SERPINB2: variants seen among roughly 807,000 people sequenced by gnomAD.
SERPINB2 encodes the protein plasminogen activator inhibitor 2.
A neutral mutation model predicts 39.4 loss-of-function variants in SERPINB2; 28 were observed. That is an observed-to-expected ratio of 0.71 (90% CI 0.53 to 0.97). SERPINB2 has a LOEUF of 0.97. SERPINB2 is among the 50% of genes least tolerant of loss of function. SERPINB2 has a pLI of 0.00. For missense variants in SERPINB2, 557 were observed against 505.3 expected (o/e 1.10, Z -0.98); for synonymous variants, 209 against 175.1 (o/e 1.19, Z -1.53).
chr18:63,901,202 A>AT (rs1367326717), intron 5 of SERPINB2, among the ~76,000 whole-genome samples: 4 of 152,144 alleles, frequency 2.6e-5, no homozygotes, highest in African/African-American at 4.8e-5. Context: ...TTCACAACTG[A>AT]TTTTGAATGT....
intron 1 of SERPINB2, among the ~76,000 whole-genome samples, chr18:63,889,329 T>A (rs914330735): frequency 7.9e-5 from 12 of 152,208 alleles, no homozygotes; most frequent in African/African-American, 2.4e-4. Flanking sequence ...CCAGGAAAAT[T>A]TGCTTCTGTT....
Position 63,903,348 on chromosome 18 carries a change from T to A in SERPINB2, c.*43T>A, listed in dbSNP as rs759346853. ...CTGCAAAAGATTTTTGTAGATGAGC[T>A]GTGTGCCTCAGAATTGCTATTTCAA... On this transcript the variant is annotated 3_prime_UTR_variant, in exon 8 of 8. Coordinates refer to ENST00000299502, the MANE Select transcript of SERPINB2 (RefSeq NM_002575.3). The A allele has an allele frequency of 2.0e-6, 3 of 1,470,292 alleles. No individual in the cohort carries two copies. The highest frequency in any genetic ancestry group is 5.2e-5 in the Admixed American group (2 of 38,522). 91.1% of individuals were successfully genotyped at this position (1,470,292 alleles called of 1,614,324 possible). A position where few individuals can be genotyped will look rare whatever the true frequency, so the allele number is the denominator to read the frequency against.
intron 2 of SERPINB2, 27 bp from the exon 3 acceptor site, chr18:63,895,237 A>G (rs763773946): frequency 1.9e-6 from 3 of 1,610,344 alleles, no homozygotes; most frequent in African/African-American, 2.7e-5. Flanking sequence ...GGGCAAGTGT[A>G]ACCGTTTTCT....
At chr18:63,900,981 A>T (rs896720454) in intron 5 of SERPINB2, among the ~76,000 whole-genome samples, 1 of 152,150 alleles carries the variant, frequency 6.6e-6, no homozygotes, top group Non-Finnish European at 1.5e-5. Flanking sequence ...TAGAGTATCA[A>T]AATAATATAT....
intron 5 of SERPINB2, among the ~76,000 whole-genome samples, chr18:63,900,563 C>T (rs897435818): frequency 6.6e-6 from 1 of 152,136 alleles, no homozygotes; most frequent in Non-Finnish European, 1.5e-5. Flanking sequence ...CATATTTATA[C>T]CTACTTTTAA....
chr18:63,899,865 C>CA (rs1426672585), intron 5 of SERPINB2, among the ~76,000 whole-genome samples: 1 of 151,972 alleles, frequency 6.6e-6, no homozygotes, highest in Non-Finnish European at 1.5e-5. Context: ...TATGGGATTT[C>CA]AAAAAATATA....
At position 63,897,125 on chromosome 18, in the gene SERPINB2, G is replaced by C. The variant is rs541925659; in HGVS notation, c.323G>C (p.Arg108Pro). Reference sequence around the variant, plus strand: ...GCAGATAAAATCCATTCATCCTTCCGCTCTCTCAGCTCTGCAATCAATGCA... The same window carrying C: ...GCAGATAAAATCCATTCATCCTTCCCCTCTCTCAGCTCTGCAATCAATGCA... The part of the protein sequence containing the change: ...QAADKIHSSF[R>P]SLSSAINAST... The change falls in exon 4 of 8, where the codon CGC (arginine) becomes CCC (proline). Residue 108 changes from arginine (R) to proline (P), a missense_variant. Coordinates refer to ENST00000299502, the MANE Select transcript of SERPINB2 (RefSeq NM_002575.3). 15 of 1,612,580 alleles carry C rather than the reference G, an allele frequency of 9.3e-6. No homozygotes were observed. The highest frequency in any genetic ancestry group is 1.3e-5 in the Non-Finnish European group (15 of 1,179,168).
At position 63,901,879 on chromosome 18, in the gene SERPINB2, C is replaced by A; in HGVS notation, c.675C>A (p.Asn225Lys). 6.3e-7 allele frequency: 1 copy of A among 1,596,516 alleles called. No homozygotes were observed. The highest frequency in any genetic ancestry group is 8.5e-7 in the Non-Finnish European group (1 of 1,175,030). ...KLNGLYPFRV[N>K]SAQRTPVQMM... ...ATGGGCTTTATCCTTTCCGTGTAAACTCGGTATGAGACAACAAAATACATC... is the reference window on the plus strand; with the variant it reads ...ATGGGCTTTATCCTTTCCGTGTAAAATCGGTATGAGACAACAAAATACATC... The change falls in exon 6 of 8, where the codon AAC (asparagine) becomes AAA (lysine). Residue 225 changes from asparagine to lysine, a missense_variant. Transcript: ENST00000299502.
chr18:63,891,599 A>G lies in SERPINB2; in HGVS notation c.155A>G (p.Asp52Gly). The change falls in exon 2 of 8, where the codon GAC becomes GGC. Residue 52 changes from aspartate to glycine, a missense_variant. Coordinates refer to ENST00000299502, the MANE Select transcript of SERPINB2 (RefSeq NM_002575.3). ...ATGGGCTCCAGGGGCAGCACCGAAG[A>G]CCAGATGGCCAAGGTGAGTTTGAGC... ...VYMGSRGSTE[D>G]QMAKVLQFNE... The G allele has an allele frequency of 6.2e-7, 1 of 1,613,642 alleles. No homozygotes were observed. The highest frequency in any genetic ancestry group is 1.1e-5 in the South Asian group (1 of 91,024).
intron 2 of SERPINB2, 54 bp from the exon 3 acceptor site, chr18:63,895,210 A>G: frequency 6.2e-7 from 1 of 1,600,850 alleles, no homozygotes; most frequent in East Asian, 2.2e-5. Context: ...TCTGTTTTAA[A>G]AGTTCAGTAA....
At chr18:63,893,145 G>A (rs2049937572) in intron 2 of SERPINB2, among the ~76,000 whole-genome samples, 1 of 152,168 alleles carries the variant, frequency 6.6e-6, no homozygotes, top group Non-Finnish European at 1.5e-5. Context: ...GGCCAGGCTG[G>A]TCTCAAACTC....
At chr18:63,897,642 C>A in intron 4 of SERPINB2, 85 bp from the exon 5 acceptor site, 1 of 1,007,654 alleles carries the variant, frequency 9.9e-7, no homozygotes, top group Non-Finnish European at 1.6e-6. Flanking sequence ...CTCCTAATTT[C>A]AATGGGAAGA....
At chr18:63,896,983 T>C (rs2049963280) in intron 3 of SERPINB2, 108 bp from the exon 4 acceptor site, 1 of 999,408 alleles carries the variant, frequency 1.0e-6, no homozygotes, top group Non-Finnish European at 1.4e-6. Context: ...AAAGTATGTA[T>C]TAATATAGCA....
chr18:63,902,125 T>A (rs1048414239), intron 6 of SERPINB2, among the ~76,000 whole-genome samples: 1 of 152,160 alleles, frequency 6.6e-6, no homozygotes, highest in Non-Finnish European at 1.5e-5. Flanking sequence ...TATTGAGACA[T>A]GGCACGGTTC....
chr18:63,890,285 T>C (rs1041238905), intron 1 of SERPINB2, among the ~76,000 whole-genome samples: 2 of 152,158 alleles, frequency 1.3e-5, no homozygotes, highest in East Asian at 1.9e-4. Context: ...AGAGCAATGC[T>C]GTGTGAGACC....
At chr18:63,888,031 C>A (rs939633255) in intron 1 of SERPINB2, among the ~76,000 whole-genome samples, 4 of 152,164 alleles carry the variant, frequency 2.6e-5, no homozygotes, top group African/African-American at 9.7e-5. Flanking sequence ...AATGTACATT[C>A]AGATTGTGAT....
chr18:63,898,602 C>T (rs1321189686), intron 5 of SERPINB2, among the ~76,000 whole-genome samples: 1 of 152,110 alleles, frequency 6.6e-6, no homozygotes, highest in Non-Finnish European at 1.5e-5. Context: ...ATGGTAAATC[C>T]TGCCACCATA....
chr18:63,900,911 G>A (rs1482456299), intron 5 of SERPINB2, among the ~76,000 whole-genome samples: 1 of 152,112 alleles, frequency 6.6e-6, no homozygotes, highest in African/African-American at 2.4e-5. Context: ...GTAACGTTGG[G>A]AAGACTGCTA....
intron 1 of SERPINB2, chr18:63,890,094 A>T (rs991973694): frequency 6.6e-6 from 1 of 152,208 alleles, no homozygotes; most frequent in African/African-American, 2.4e-5. Context: ...CGAGGAGAGG[A>T]GGTGAGAGAG....
Sources: allele counts gnomAD v4.1 joint callset (sites outside exome capture counted in the v4.1 genomes callset), GRCh38; gene constraint gnomAD v4.1.1; transcripts MANE v1.5; gene names NCBI Gene and HGNC (gene_info 2026-07-23, HGNC 2026-07-21).